The following FAM72C variants were observed in gnomAD, a reference collection of about 807,000 sequenced individuals.
FAM72C encodes the protein protein FAM72C.
Under a neutral mutation model 5.2 loss-of-function variants are expected in FAM72C, and 1 was observed. That is an observed-to-expected ratio of 0.19 (90% CI 0.07 to 0.91). The LOEUF (loss-of-function observed/expected upper bound fraction) is 0.91, where lower values mean the gene tolerates loss of function less well. Ranked by LOEUF, FAM72C falls within the 40% of genes least tolerant of loss-of-function variation. The pLI is 0.66. For missense variants in FAM72C, 4 were observed against 66.0 expected (o/e 0.06, Z 3.25); for synonymous variants, 1 against 21.8 (o/e 0.05, Z 2.66).
Position 143,960,860 on chromosome 1 carries a change from A to G in FAM72C, c.355+3995T>C, listed in dbSNP as rs2749291. The stretch of plus-strand genomic sequence containing the variant: ...TTTTTTTTTTTTTTTTTGAGACAGG[A>G]TCTCACTCTGTTGCCCAGGCTGGAG... On this transcript the variant is annotated intron_variant, in intron 3 of 3. Coordinates refer to ENST00000584486, the MANE Select transcript of FAM72C (RefSeq NM_001287385.2). 2.4e-3 allele frequency among the ~76,000 whole-genome samples: 273 copies of G among 114,148 alleles called. 7 individuals carry two copies. Among genetic ancestry groups the G allele is most frequent in the Non-Finnish European group, 2.2e-3 (124 of 57,114 alleles). The allele number at this position is 114,148 out of a possible 152,430, so 74.9% of individuals were successfully genotyped here.
chr1:143,960,599 G>T (rs1661587728), intron 3 of FAM72C, among the ~76,000 whole-genome samples: 2 of 133,382 alleles, frequency 1.5e-5, no homozygotes, highest in Non-Finnish European at 3.2e-5. Context: ...GCGTATGCCT[G>T]TAATCTCGCT....
At chr1:143,969,295 TGTTAATGAA>T (rs1186521757) in intron 1 of FAM72C, among the ~76,000 whole-genome samples, 1 of 23,806 alleles carries the variant, frequency 4.2e-5, no homozygotes, top group Non-Finnish European at 8.6e-5. Flanking sequence ...TGAATAATGC[TGTTAATGAA>T]CATGGGTGTG....
intron 3 of FAM72C, among the ~76,000 whole-genome samples, chr1:143,962,202 C>G (rs1192182997): frequency 7.0e-6 from 1 of 142,422 alleles, no homozygotes; most frequent in African/African-American, 2.6e-5. Context: ...TTAGTAGAGA[C>G]GGGGTTTCTC....
chr1:143,966,377 C>G (rs1245755506), intron 2 of FAM72C, among the ~76,000 whole-genome samples: 1 of 113,252 alleles, frequency 8.8e-6, no homozygotes, highest in Non-Finnish European at 2.1e-5. Flanking sequence ...CTTGTTGTCA[C>G]GGAGCTAACA....
chr1:143,963,534 G>C (rs2101698206), intron 3 of FAM72C, among the ~76,000 whole-genome samples: 2 of 146,724 alleles, frequency 1.4e-5, no homozygotes, highest in South Asian at 4.5e-4. Flanking sequence ...AACAGAATTT[G>C]AGAGGATTGA....
chr1:143,962,519 C>T, intron 3 of FAM72C, among the ~76,000 whole-genome samples: 1 of 60,656 alleles, frequency 1.6e-5, no homozygotes, highest in Non-Finnish European at 3.4e-5. Flanking sequence ...GTCTTAAACT[C>T]CTGACCTCAG....
chr1:143,960,509 C>A (rs1476346384), intron 3 of FAM72C, among the ~76,000 whole-genome samples: 1 of 139,218 alleles, frequency 7.2e-6, no homozygotes, highest in Non-Finnish European at 1.6e-5. Flanking sequence ...AGGCGGATCC[C>A]CTGAGGTCAG....
intron 2 of FAM72C, among the ~76,000 whole-genome samples, chr1:143,967,185 T>C (rs1311741363): frequency 6.9e-6 from 1 of 144,618 alleles, no homozygotes; most frequent in Non-Finnish European, 1.5e-5. Flanking sequence ...AATACAAAAA[T>C]TAGCCGGGTG....
intron 2 of FAM72C, among the ~76,000 whole-genome samples, chr1:143,966,756 G>A (rs1320975439): frequency 2.7e-5 from 4 of 146,156 alleles, no homozygotes; most frequent in Admixed American, 6.9e-5. Context: ...CTTCAGGTGC[G>A]GTGGCTCATG....
intron 3 of FAM72C, among the ~76,000 whole-genome samples, chr1:143,964,098 C>T (rs1404306578): frequency 2.7e-5 from 1 of 37,438 alleles, no homozygotes; most frequent in Non-Finnish European, 5.5e-5. Context: ...GGATTACAGG[C>T]ATGAGCCACT....
chr1:143,967,377 C>T (rs2101708243), intron 2 of FAM72C, among the ~76,000 whole-genome samples: 1 of 143,486 alleles, frequency 7.0e-6, no homozygotes, highest in East Asian at 2.0e-4. Context: ...ACTCAGGAGG[C>T]TGAGGCAGGA....
intron 3 of FAM72C, among the ~76,000 whole-genome samples, chr1:143,960,411 A>G: frequency 9.2e-6 from 1 of 108,954 alleles, no homozygotes; most frequent in East Asian, 2.4e-4. Context: ...CTCAAAAAAA[A>G]AAAAAAAAAA....
chr1:143,966,239 TTTAA>T (rs1472243237), intron 2 of FAM72C, among the ~76,000 whole-genome samples: 2 of 114,692 alleles, frequency 1.7e-5, no homozygotes, highest in African/African-American at 2.8e-5. Flanking sequence ...ATTCCATGAC[TTTAA>T]TTACCGCCTA....
In FAM72C at chr1:143,967,472, C is replaced by T. The variant is rs1173238090; in HGVS notation, c.230+1452G>A. Among the ~76,000 whole-genome samples, 25 of 138,110 alleles carry T rather than the reference C, an allele frequency of 1.8e-4. 1 individual carries two copies. The highest frequency in any genetic ancestry group is 2.5e-4 in the Non-Finnish European group (16 of 63,540). 90.6% of individuals were successfully genotyped at this position (138,110 alleles called of 152,430 possible). A position where few individuals can be genotyped will look rare whatever the true frequency, so the allele number is the denominator to read the frequency against. On this transcript the variant is annotated intron_variant, in intron 2 of 3. Coordinates refer to ENST00000584486, the MANE Select transcript of FAM72C (RefSeq NM_001287385.2). ...TAGCCTGGGCGACAGAGCAAAACTCCGTCTTAAAAAAAAAAAAAAAAGAAA... is the reference window on the plus strand; with the variant it reads ...TAGCCTGGGCGACAGAGCAAAACTCTGTCTTAAAAAAAAAAAAAAAAGAAA...
At position 143,962,033 on chromosome 1, in the gene FAM72C, A is replaced by T. The variant is rs1378978044; in HGVS notation, c.355+2822T>A. Among the ~76,000 whole-genome samples the T allele has an allele frequency of 3.6e-5, 5 of 138,288 alleles. No individual in the cohort carries two copies. The East Asian group carries it at 8.7e-4, about 24-fold the overall frequency. The allele number at this position is 138,288 out of a possible 152,430, so 90.7% of individuals were successfully genotyped here. On this transcript the variant is annotated intron_variant, in intron 3 of 3. Transcript: ENST00000584486. ...CTTTTCTTTTCTTTTTTTTTTTTTG[A>T]GATGGAGTTTCACTTTTGTTGCCCA... is the stretch of plus-strand genomic sequence containing the variant.
At chr1:143,961,131 G>A (rs1373648095) in intron 3 of FAM72C, among the ~76,000 whole-genome samples, 1 of 140,924 alleles carries the variant, frequency 7.1e-6, no homozygotes, top group Non-Finnish European at 1.6e-5. Flanking sequence ...TAAATGGAAG[G>A]TTTTGGCAAT....
In FAM72C at chr1:143,967,523, G is replaced by T. The variant is rs1173044698; in HGVS notation, c.230+1401C>A. Among the ~76,000 whole-genome samples, 10 of 138,520 alleles carry T rather than the reference G, an allele frequency of 7.2e-5. 1 individual carries two copies. The highest frequency in any genetic ancestry group is 2.7e-4 in the African/African-American group (10 of 37,032). The allele number at this position is 138,520 out of a possible 152,430, so 90.9% of individuals were successfully genotyped here. On this transcript the variant is annotated intron_variant, in intron 2 of 3. Coordinates refer to ENST00000584486, the MANE Select transcript of FAM72C (RefSeq NM_001287385.2). ...AGAAAGAAGAAAATAATGTCCAAAGGCCAGTGACTTCATCTAGTTTTTGTT... is the reference window on the plus strand; with the variant it reads ...AGAAAGAAGAAAATAATGTCCAAAGTCCAGTGACTTCATCTAGTTTTTGTT...
intron 3 of FAM72C, among the ~76,000 whole-genome samples, chr1:143,963,522 G>C (rs140925069): frequency 0.031 from 4,309 of 140,736 alleles, 543 homozygotes; most frequent in Non-Finnish European, 0.044. Flanking sequence ...TGGTAAAGTA[G>C]TAACAGAATT....
chr1:143,965,226 T>TATC, intron 2 of FAM72C, among the ~76,000 whole-genome samples: 1 of 109,182 alleles, frequency 9.2e-6, no homozygotes. Context: ...TTATTATTAT[T>TATC]ATTATTGAGA....
Sources: gnomAD v4.1 joint callset for allele counts (sites outside exome capture counted in the v4.1 genomes callset) on GRCh38, gnomAD v4.1.1 for gene constraint, MANE v1.5 for transcripts, NCBI Gene and HGNC (gene_info 2026-07-23, HGNC 2026-07-21) for gene names.